NRG3: variants seen among roughly 807,000 people sequenced by gnomAD.
NRG3 encodes pro-neuregulin-3, membrane-bound isoform.
A neutral mutation model predicts 66.9 loss-of-function variants in NRG3; 31 were observed. The observed-to-expected ratio is 0.46, with a 90% CI of 0.35 to 0.63. The LOEUF (loss-of-function observed/expected upper bound fraction) is 0.63. Ranked by LOEUF, NRG3 falls within the 20% of genes least tolerant of loss-of-function variation. The pLI is 0.00. For missense variants in NRG3, 910 were observed against 878.9 expected (o/e 1.04, Z -0.45); for synonymous variants, 393 against 359.4 (o/e 1.09, Z -1.06).
chr10:82,714,620 A>G (rs2056867281), intron 2 of NRG3, among the ~76,000 whole-genome samples: 1 of 152,252 alleles, frequency 6.6e-6, no homozygotes, highest in African/African-American at 2.4e-5. Context: ...ACCTTAATTT[A>G]AAAATGAAGT....
intron 4 of NRG3, among the ~76,000 whole-genome samples, chr10:82,937,757 TCAGTGATTGGTACAGGAGTAGGTTA>T (rs2132231614): frequency 6.6e-6 from 1 of 152,296 alleles, no homozygotes; most frequent in South Asian, 2.1e-4. Flanking sequence ...TAGCTGAAAC[TCAGTGATTGGTACAGGAGTAGGTTA>T]CAGTCTATTT....
chr10:82,093,982 T>C (rs2066185631), intron 1 of NRG3, among the ~76,000 whole-genome samples: 1 of 152,176 alleles, frequency 6.6e-6, no homozygotes, highest in African/African-American at 2.4e-5. Flanking sequence ...TAAAGCCTCT[T>C]CATAGTTAAC....
chr10:82,870,640 A>G (rs959475002), intron 4 of NRG3, among the ~76,000 whole-genome samples: 1 of 152,160 alleles, frequency 6.6e-6, no homozygotes, highest in Non-Finnish European at 1.5e-5. Flanking sequence ...ATAGGTATGT[A>G]ATGGTAACTC....
At chr10:82,180,758 C>T (rs114298958) in intron 1 of NRG3, among the ~76,000 whole-genome samples, 3,393 of 151,954 alleles carry the variant, frequency 0.022, 63 homozygotes, top group South Asian at 0.065. Context: ...TAGCCTTATA[C>T]ATGAGTTTGG....
chr10:82,298,686 C>T (rs2080218691), intron 1 of NRG3, among the ~76,000 whole-genome samples: 1 of 152,092 alleles, frequency 6.6e-6, no homozygotes, highest in Admixed American at 6.5e-5. Flanking sequence ...AGTGTCCTTC[C>T]AACTCCATTC....
intron 3 of NRG3, among the ~76,000 whole-genome samples, chr10:82,853,427 T>G (rs950218049): frequency 3.9e-5 from 6 of 152,352 alleles, no homozygotes; most frequent in Admixed American, 3.9e-4. Flanking sequence ...TCCATGAGCA[T>G]GGGATGTGTT....
chr10:82,408,129 A>AAGAAAGAAAGAAAGAAAGAAAGAAAG (rs1564888442), intron 2 of NRG3, among the ~76,000 whole-genome samples: 4 of 128,986 alleles, frequency 3.1e-5, no homozygotes, highest in African/African-American at 9.8e-5. Context: ...GAAAGAAAGA[A>AAGAAAGAAAGAAAGAAAGAAAGAAAG]AGAAAGAAAG....
In NRG3 at chr10:82,189,138, A is replaced by G. The variant is rs1047145795; in HGVS notation, c.824-169601A>G. Among the ~76,000 whole-genome samples, 10 of 152,078 alleles carry G rather than the reference A, an allele frequency of 6.6e-5. No individual in the cohort carries two copies. The East Asian group carries it at 1.4e-3, about 21-fold the overall frequency. Reference sequence around the variant, plus strand: ...CCACTTCCCTTCCCAGCCTCTGGTAACTCTCCTTTTACTCTCTGTGTCCTT... The same window carrying G: ...CCACTTCCCTTCCCAGCCTCTGGTAGCTCTCCTTTTACTCTCTGTGTCCTT... On this transcript the variant is annotated intron_variant, in intron 1 of 8. Transcript: ENST00000372141.
chr10:82,418,403 T>C (rs553743613), intron 2 of NRG3, among the ~76,000 whole-genome samples: 3 of 145,500 alleles, frequency 2.1e-5, no homozygotes, highest in East Asian at 1.9e-4. Flanking sequence ...CAAATGTTTA[T>C]GCAAATTAAC....
chr10:82,486,965 G>A (rs1230671976), intron 2 of NRG3, among the ~76,000 whole-genome samples: 1 of 151,784 alleles, frequency 6.6e-6, no homozygotes, highest in African/African-American at 2.4e-5. Flanking sequence ...AAGTTGTAAA[G>A]TTATAAAGAT....
chr10:82,791,316 T>C (rs1012428158), intron 3 of NRG3, among the ~76,000 whole-genome samples: 1 of 152,144 alleles, frequency 6.6e-6, no homozygotes, highest in African/African-American at 2.4e-5. Context: ...TTTTGGTTTT[T>C]TTTTCATTTT....
chr10:82,835,826 A>G (rs1246363286), intron 3 of NRG3, among the ~76,000 whole-genome samples: 1 of 152,156 alleles, frequency 6.6e-6, no homozygotes, highest in Non-Finnish European at 1.5e-5. Flanking sequence ...ACTGTAGAAT[A>G]GGTACTGAAG....
intron 1 of NRG3, among the ~76,000 whole-genome samples, chr10:81,964,936 C>T (rs946529687): frequency 2.0e-5 from 3 of 152,036 alleles, no homozygotes; most frequent in Non-Finnish European, 4.4e-5. Flanking sequence ...TATATGTTTT[C>T]TTGAAACTTC....
At chr10:82,161,967 A>G (rs1231336699) in intron 1 of NRG3, among the ~76,000 whole-genome samples, 1 of 152,146 alleles carries the variant, frequency 6.6e-6, no homozygotes, top group Non-Finnish European at 1.5e-5. Flanking sequence ...AAAGTGGCCC[A>G]TCACTCTTGA....
intron 2 of NRG3, among the ~76,000 whole-genome samples, chr10:82,634,465 T>C (rs945334261): frequency 2.0e-5 from 3 of 152,186 alleles, no homozygotes; most frequent in Admixed American, 6.5e-5. Context: ...TAATTAAAAA[T>C]AGCATGTCTA....
intron 2 of NRG3, among the ~76,000 whole-genome samples, chr10:82,719,341 A>G (rs2057158941): frequency 6.6e-6 from 1 of 152,188 alleles, no homozygotes; most frequent in African/African-American, 2.4e-5. Context: ...TGTTACAAAA[A>G]CATGCATGAG....
chr10:82,101,727 G>C (rs2066732335), intron 1 of NRG3, among the ~76,000 whole-genome samples: 1 of 151,440 alleles, frequency 6.6e-6, no homozygotes, highest in African/African-American at 2.4e-5. Context: ...AATTTGCTAA[G>C]GGTTGTTTAA....
chr10:82,314,518 A>G (rs1009163143), intron 1 of NRG3, among the ~76,000 whole-genome samples: 1 of 152,162 alleles, frequency 6.6e-6, no homozygotes, highest in African/African-American at 2.4e-5. Context: ...ATTAAAAAAT[A>G]AATAAATAGG....
intron 3 of NRG3, among the ~76,000 whole-genome samples, chr10:82,806,870 G>T (rs1158666260): frequency 6.6e-6 from 1 of 152,120 alleles, no homozygotes; most frequent in African/African-American, 2.4e-5. Flanking sequence ...GGCACCATCT[G>T]CATGTAACCC....
Sources: gnomAD v4.1 joint callset for allele counts (sites outside exome capture counted in the v4.1 genomes callset) on GRCh38, gnomAD v4.1.1 for gene constraint, MANE v1.5 for transcripts, NCBI Gene and HGNC (gene_info 2026-07-23, HGNC 2026-07-21) for gene names.